PPP3CA: variants seen among roughly 807,000 people sequenced by gnomAD.
PPP3CA encodes protein phosphatase 3 catalytic subunit alpha.
A neutral mutation model predicts 66.5 loss-of-function variants in PPP3CA; 14 were observed. That is an observed-to-expected ratio of 0.21 (90% CI 0.14 to 0.33). The LOEUF is 0.33. Ranked by LOEUF, PPP3CA falls within the 10% of genes least tolerant of loss-of-function variation. The pLI is 1.00. For synonymous variants in PPP3CA, 232 were observed against 226.2 expected (o/e 1.03, Z -0.23); for missense variants, 317 against 639.5 (o/e 0.50, Z 5.44).
chr4:101,242,108 T>C (rs1005043296), intron 1 of PPP3CA, among the ~76,000 whole-genome samples: 1 of 152,140 alleles, frequency 6.6e-6, no homozygotes, highest in African/African-American at 2.4e-5. Flanking sequence ...TCTTGTTTTG[T>C]GTAGATATAA....
intron 8 of PPP3CA, among the ~76,000 whole-genome samples, chr4:101,067,650 G>A (rs2110229679): frequency 7.2e-6 from 1 of 138,406 alleles, no homozygotes; most frequent in Non-Finnish European, 1.5e-5. Flanking sequence ...AATGACAAGA[G>A]TAGAAAGGCC....
intron 13 of PPP3CA, among the ~76,000 whole-genome samples, chr4:101,028,796 A>G (rs1421942024): frequency 6.6e-6 from 1 of 152,152 alleles, no homozygotes; most frequent in African/African-American, 2.4e-5. Context: ...TATTCTCTTC[A>G]GTGCTGCCTG....
chr4:101,150,115 C>T (rs1723091384), intron 2 of PPP3CA, among the ~76,000 whole-genome samples: 1 of 152,068 alleles, frequency 6.6e-6, no homozygotes, highest in Non-Finnish European at 1.5e-5. Flanking sequence ...TACTTTCACC[C>T]ACCCCACTAT....
At chr4:101,315,917 A>C (rs1728871056) in intron 1 of PPP3CA, among the ~76,000 whole-genome samples, 1 of 152,180 alleles carries the variant, frequency 6.6e-6, no homozygotes, top group Non-Finnish European at 1.5e-5. Flanking sequence ...CTGAAAACCT[A>C]AAACAAAGCA....
chr4:101,269,484 T>C (rs766435170), intron 1 of PPP3CA, among the ~76,000 whole-genome samples: 1 of 132,860 alleles, frequency 7.5e-6, no homozygotes, highest in African/African-American at 2.7e-5. Context: ...AAAATGGGGA[T>C]AGAATTCGAT....
At chr4:101,317,582 T>C (rs1728920724) in intron 1 of PPP3CA, among the ~76,000 whole-genome samples, 1 of 152,294 alleles carries the variant, frequency 6.6e-6, no homozygotes, top group Non-Finnish European at 1.5e-5. Flanking sequence ...AGAAATAATG[T>C]CATATCAAAA....
chr4:101,135,635 G>A (rs753715445), intron 2 of PPP3CA, among the ~76,000 whole-genome samples: 2 of 152,254 alleles, frequency 1.3e-5, no homozygotes, highest in Non-Finnish European at 2.9e-5. Flanking sequence ...AAAAGCAAAT[G>A]AGTGAAAGTT....
chr4:101,325,969 T>C (rs1729194301), intron 1 of PPP3CA, among the ~76,000 whole-genome samples: 1 of 152,068 alleles, frequency 6.6e-6, no homozygotes, highest in African/African-American at 2.4e-5. Context: ...CAAAACCCTA[T>C]CTCTAATAAA....
chr4:101,278,720 C>T (rs574042079), intron 1 of PPP3CA, among the ~76,000 whole-genome samples: 12 of 152,318 alleles, frequency 7.9e-5, no homozygotes, highest in Admixed American at 1.3e-4. Flanking sequence ...ATCTTCAAAG[C>T]ATCCTGATTT....
chr4:101,081,587 A>AT (rs1365137042), intron 7 of PPP3CA, among the ~76,000 whole-genome samples: 4 of 152,192 alleles, frequency 2.6e-5, no homozygotes, highest in Non-Finnish European at 5.9e-5. Context: ...TCAAAACAAC[A>AT]TTTTATCATT....
chr4:101,285,828 G>C (rs1006974330), intron 1 of PPP3CA, among the ~76,000 whole-genome samples: 1 of 152,164 alleles, frequency 6.6e-6, no homozygotes, highest in Non-Finnish European at 1.5e-5. Flanking sequence ...CCGGTCCAGG[G>C]AACACAGACC....
In PPP3CA at chr4:101,079,379, CT is replaced by C. The variant is rs1016993243; in HGVS notation, c.955+1152del. On this transcript the variant is annotated intron_variant, in intron 8 of 13. Coordinates refer to ENST00000394854, the MANE Select transcript of PPP3CA (RefSeq NM_000944.5). ...CTTTTTTCCTCCTGTTTCCATTTCT[CT>C]TTTTTTTTTTTTTTTTGAGATGGAG... Among the ~76,000 whole-genome samples, 767 of 138,502 alleles carry C rather than the reference CT, an allele frequency of 5.5e-3. 1 individual carries two copies. Among genetic ancestry groups the C allele is most frequent in the African/African-American group, 0.013 (496 of 38,136 alleles). 90.9% of individuals were successfully genotyped at this position (138,502 alleles called of 152,430 possible). A position where few individuals can be genotyped will look rare whatever the true frequency, so the allele number is the denominator to read the frequency against.
chr4:101,175,297 T>C (rs529392034), intron 2 of PPP3CA, among the ~76,000 whole-genome samples: 16 of 152,298 alleles, frequency 1.1e-4, no homozygotes, highest in Non-Finnish European at 1.8e-4. Context: ...GGCTGACCTG[T>C]GGTAGACTTC....
At chr4:101,236,940 G>A (rs116097940) in intron 1 of PPP3CA, among the ~76,000 whole-genome samples, 3,499 of 150,942 alleles carry the variant, frequency 0.023, 49 homozygotes, top group Middle Eastern at 0.069. Flanking sequence ...GTAAAATGGC[G>A]ATAATAGAGC....
Position 101,345,769 on chromosome 4 carries a change from G to A in PPP3CA, c.58+970C>T, listed in dbSNP as rs1729962803. ...CAGTTTCTCTTTGCCAGCAACCTCA[G>A]TGCATCCTTGCCAGGAGTTTATCAT... On this transcript the variant is annotated intron_variant, in intron 1 of 13. Transcript: ENST00000394854. Among the ~76,000 whole-genome samples, 7 of 152,168 alleles carry A rather than the reference G, an allele frequency of 4.6e-5. 1 individual carries two copies. Among genetic ancestry groups the A allele is most frequent in the Admixed American group, 4.6e-4 (7 of 15,276 alleles).
chr4:101,254,586 C>A (rs1284745927), intron 1 of PPP3CA, among the ~76,000 whole-genome samples: 1 of 151,698 alleles, frequency 6.6e-6, no homozygotes, highest in African/African-American at 2.4e-5. Flanking sequence ...AAAAACTATA[C>A]CCACACATCA....
intron 7 of PPP3CA, among the ~76,000 whole-genome samples, chr4:101,081,363 G>T (rs991005319): frequency 5.3e-5 from 8 of 152,092 alleles, no homozygotes; most frequent in Non-Finnish European, 1.0e-4. Context: ...TCTCAGCAGG[G>T]TAATATTTAA....
intron 2 of PPP3CA, among the ~76,000 whole-genome samples, chr4:101,137,674 T>G (rs1722666458): frequency 6.6e-6 from 1 of 152,134 alleles, no homozygotes; most frequent in South Asian, 2.1e-4. Context: ...GTGGGATATT[T>G]TTACTTTTCA....
chr4:101,125,512 C>G (rs1337674644), intron 2 of PPP3CA, among the ~76,000 whole-genome samples: 1 of 152,124 alleles, frequency 6.6e-6, no homozygotes, highest in Non-Finnish European at 1.5e-5. Context: ...TGCATACTGA[C>G]TGGCCAGTTT....
Sources: gnomAD v4.1 joint callset for allele counts (sites outside exome capture counted in the v4.1 genomes callset) on GRCh38, gnomAD v4.1.1 for gene constraint, MANE v1.5 for transcripts, NCBI Gene and HGNC (gene_info 2026-07-23, HGNC 2026-07-21) for gene names.